COL22A1: variants seen among roughly 807,000 people sequenced by gnomAD.
COL22A1 encodes the protein collagen type XXII alpha 1 chain, also known as collagen alpha-1(XXII) chain.
In COL22A1, 221 loss-of-function variants were observed where a neutral mutation model predicts 248.9. The ratio of observed to expected loss-of-function variants is 0.89; its 90% confidence interval spans 0.80 to 0.99. The LOEUF is 0.99. Among genes scored for constraint, COL22A1 ranks in the 50% least tolerant of loss-of-function variants. COL22A1 has a pLI of 0.00. For synonymous variants in COL22A1, 891 were observed against 793.4 expected (o/e 1.12, Z -2.07); for missense variants, 2,240 against 2,179.0 (o/e 1.03, Z -0.56).
At chr8:138,820,858 C>G (rs1016790314) in intron 7 of COL22A1, among the ~76,000 whole-genome samples, 1 of 152,196 alleles carries the variant, frequency 6.6e-6, no homozygotes. Flanking sequence ...GTCCCCAGTG[C>G]AGAGCACAGT....
intron 41 of COL22A1, among the ~76,000 whole-genome samples, chr8:138,671,450 G>C (rs1331377326): frequency 2.0e-5 from 3 of 152,202 alleles, no homozygotes. Flanking sequence ...ACCTCCTGTT[G>C]CGATTGTGGT....
intron 1 of COL22A1, among the ~76,000 whole-genome samples, chr8:138,906,146 G>A (rs988178714): frequency 2.8e-4 from 42 of 152,228 alleles, no homozygotes; most frequent in Non-Finnish European, 3.4e-4. Flanking sequence ...CGAGGCGGGC[G>A]GGTCACGAGG....
chr8:138,882,904 T>C (rs1824347594), intron 2 of COL22A1, among the ~76,000 whole-genome samples, 178 bp downstream of exon 2: 1 of 152,126 alleles, frequency 6.6e-6, no homozygotes, highest in Admixed American at 6.5e-5. Context: ...GAGGAGCTGG[T>C]GATTTTTTGT....
rs186548383 is a variant in COL22A1, at chr8:138,814,953, C to G, written c.1246-1934G>C. Reference sequence around the variant, plus strand: ...ATCTCACCTTGAATTGTAATAATCCCCATGTGTCAAGGGTGGGGCCAGGTG... The same window carrying G: ...ATCTCACCTTGAATTGTAATAATCCGCATGTGTCAAGGGTGGGGCCAGGTG... On this transcript the variant is annotated intron_variant, in intron 7 of 64. Transcript: ENST00000303045. Among the ~76,000 whole-genome samples, 98 of 152,214 alleles carry G rather than the reference C, an allele frequency of 6.4e-4. 1 individual carries two copies. In the East Asian group the frequency reaches 7.4e-3, roughly 11 times the overall value.
At chr8:138,743,337 T>A (rs1020363549) in intron 22 of COL22A1, among the ~76,000 whole-genome samples, 3 of 151,868 alleles carry the variant, frequency 2.0e-5, no homozygotes, top group Admixed American at 2.0e-4. Context: ...GTGATTGTGA[T>A]GGTGATGGTG....
At chr8:138,608,674 A>T (rs565952320) in intron 56 of COL22A1, among the ~76,000 whole-genome samples, 8 of 152,238 alleles carry the variant, frequency 5.3e-5, no homozygotes, top group African/African-American at 7.2e-5. Flanking sequence ...AAAACAAGAA[A>T]GCTCAAGAAT....
At chr8:138,598,487 G>C (rs1038705507) in intron 61 of COL22A1, among the ~76,000 whole-genome samples, 2 of 152,222 alleles carry the variant, frequency 1.3e-5, no homozygotes, top group Non-Finnish European at 2.9e-5. Context: ...CATTTCTTAA[G>C]CTAGACACGT....
At chr8:138,874,841 G>A (rs1823591300) in intron 3 of COL22A1, among the ~76,000 whole-genome samples, 1 of 152,160 alleles carries the variant, frequency 6.6e-6, no homozygotes, top group Admixed American at 6.5e-5. Flanking sequence ...GTGTGTTGTG[G>A]TCTGGCAAGA....
At chr8:138,799,467 T>C (rs1435986176) in intron 11 of COL22A1, among the ~76,000 whole-genome samples, 4 of 152,198 alleles carry the variant, frequency 2.6e-5, no homozygotes, top group African/African-American at 9.7e-5. Context: ...CCAAAAATTG[T>C]TTTTGTTCTT....
intron 52 of COL22A1, among the ~76,000 whole-genome samples, chr8:138,620,968 T>TTCAA (rs1819741437): frequency 9.7e-6 from 1 of 103,600 alleles, no homozygotes; most frequent in Non-Finnish European, 2.4e-5. Context: ...CATCCATCCA[T>TTCAA]CCATCCATCC....
At chr8:138,847,596 C>G (rs2131885868) in intron 3 of COL22A1, among the ~76,000 whole-genome samples, 2 of 152,234 alleles carry the variant, frequency 1.3e-5, no homozygotes, top group Admixed American at 1.3e-4. Context: ...AACAAATAAC[C>G]AAAGCTTGCT....
chr8:138,781,002 A>T, intron 12 of COL22A1, 22 bp from the exon 13 acceptor site: 1 of 1,558,946 alleles, frequency 6.4e-7, no homozygotes, highest in Non-Finnish European at 8.8e-7. Flanking sequence ...AAAAGAGAAT[A>T]GCAATTAGTA....
At chr8:138,800,215 G>C (rs1475252024) in intron 11 of COL22A1, among the ~76,000 whole-genome samples, 1 of 152,144 alleles carries the variant, frequency 6.6e-6, no homozygotes, top group Non-Finnish European at 1.5e-5. Flanking sequence ...AGCCTCCACT[G>C]TATGACTGAG....
At chr8:138,833,298 G>A (rs976717280) in intron 4 of COL22A1, 148 bp from the exon 5 acceptor site, 11 of 615,716 alleles carry the variant, frequency 1.8e-5, no homozygotes, top group South Asian at 9.5e-5. Context: ...ACATATTCAG[G>A]GAGAAAACAC....
At chr8:138,730,872 C>T (rs1422203493) in intron 23 of COL22A1, among the ~76,000 whole-genome samples, 1 of 151,438 alleles carries the variant, frequency 6.6e-6, no homozygotes, top group East Asian at 1.9e-4. Flanking sequence ...GCTGCTGAGC[C>T]ATGGCTAGAT....
At chr8:138,650,673 G>C (rs1338337452) in intron 45 of COL22A1, among the ~76,000 whole-genome samples, 1 of 2,436 alleles carries the variant, frequency 4.1e-4, no homozygotes, top group African/African-American at 6.3e-4. Flanking sequence ...AGAAAGATTA[G>C]ATAGATAGAT....
At chr8:138,648,673 A>G (rs1822416328) in intron 46 of COL22A1, among the ~76,000 whole-genome samples, 1 of 152,148 alleles carries the variant, frequency 6.6e-6, no homozygotes, top group Non-Finnish European at 1.5e-5. Flanking sequence ...AGGAAGATCC[A>G]CCACTATCTC....
chr8:138,593,979 G>T (rs776810948), intron 63 of COL22A1, 38 bp downstream of exon 63: 2 of 1,457,458 alleles, frequency 1.4e-6, no homozygotes. Context: ...CGCCCTCCAG[G>T]AGTACACGGA....
chr8:138,720,416 G>A (rs552257813), intron 27 of COL22A1, among the ~76,000 whole-genome samples: 26 of 152,034 alleles, frequency 1.7e-4, no homozygotes, highest in African/African-American at 5.8e-4. Context: ...CCAAGGCCAC[G>A]GCTCTCAAGG....
Sources: allele counts gnomAD v4.1 joint callset (sites outside exome capture counted in the v4.1 genomes callset), GRCh38; gene constraint gnomAD v4.1.1; transcripts MANE v1.5; gene names NCBI Gene and HGNC (gene_info 2026-07-23, HGNC 2026-07-21).